The following FAM20C variants were observed in gnomAD, a reference collection of about 807,000 sequenced individuals.
FAM20C encodes extracellular serine/threonine protein kinase FAM20C.
Under a neutral mutation model 51.5 loss-of-function variants are expected in FAM20C, and 40 were observed. That is an observed-to-expected ratio of 0.78 (90% CI 0.60 to 1.01). The LOEUF is 1.01. Ranked by LOEUF, FAM20C falls within the 50% of genes least tolerant of loss-of-function variation. The pLI, the probability that FAM20C is intolerant of heterozygous loss-of-function variation, is 0.00. For synonymous variants in FAM20C, 406 were observed against 380.6 expected, an observed-to-expected ratio of 1.07 and a Z score of -0.78; for missense variants, 861 against 844.7, an observed-to-expected ratio of 1.02 and a Z score of -0.24.
At chr7:223,832 G>A (rs930177403) in intron 3 of FAM20C, among the ~76,000 whole-genome samples, 1 of 151,010 alleles carries the variant, frequency 6.6e-6, no homozygotes, top group Non-Finnish European at 1.5e-5. Context: ...GAACAATCCT[G>A]AAATGAGCTT....
Position 211,148 on chromosome 7 carries a change from C to A in FAM20C, c.863+2172C>A, listed in dbSNP as rs1483733321. Reference sequence around the variant, plus strand: ...CTTCCTCCTCCCCCGTCAGCCTCCCCTGGGCCTCCTCCCAGCCTCCGCCAA... The same window carrying A: ...CTTCCTCCTCCCCCGTCAGCCTCCCATGGGCCTCCTCCCAGCCTCCGCCAA... On this transcript the variant is annotated intron_variant, in intron 3 of 9. Transcript: ENST00000313766. Among the ~76,000 whole-genome samples the A allele has an allele frequency of 1.2e-3, 164 of 136,446 alleles. 4 individuals carry two copies. Among genetic ancestry groups the A allele is most frequent in the Non-Finnish European group, 6.9e-4 (43 of 62,540 alleles). The allele number at this position is 136,446 out of a possible 152,430, so 89.5% of individuals were successfully genotyped here.
chr7:260,091 C>T lies in FAM20C; in HGVS notation c.*111C>T, dbSNP rs971136103. 7.7e-5 allele frequency: 105 copies of T among 1,365,524 alleles called. No homozygotes were observed. Among genetic ancestry groups the T allele is most frequent in the African/African-American group, 3.1e-4 (21 of 68,280 alleles). 84.6% of individuals were successfully genotyped at this position (1,365,524 alleles called of 1,614,324 possible). On this transcript the variant is annotated 3_prime_UTR_variant, in exon 10 of 10. Coordinates refer to ENST00000313766, the MANE Select transcript of FAM20C (RefSeq NM_020223.4). The stretch of plus-strand genomic sequence containing the variant: ...AATTCAGAGGCAGGACGGGATCATC[C>T]GGAGTCGGGAGCTGCTGCCACAGGA...
chr7:208,016 G>A (rs947038013), intron 2 of FAM20C, among the ~76,000 whole-genome samples: 2 of 152,238 alleles, frequency 1.3e-5, no homozygotes, highest in African/African-American at 4.8e-5. Flanking sequence ...GGCGGGAGCT[G>A]CCTCGCATGA....
chr7:232,375 C>T (rs894973545), intron 3 of FAM20C, among the ~76,000 whole-genome samples: 1 of 152,234 alleles, frequency 6.6e-6, no homozygotes, highest in Non-Finnish European at 1.5e-5. Flanking sequence ...CGTGGCTCCA[C>T]AGAGCCGTCT....
chr7:199,699 CT>C (rs1353769386), intron 2 of FAM20C, among the ~76,000 whole-genome samples: 16 of 152,310 alleles, frequency 1.1e-4, no homozygotes, highest in African/African-American at 3.8e-4. Flanking sequence ...TTATTTATAG[CT>C]GGGCTCCTGG....
intron 3 of FAM20C, among the ~76,000 whole-genome samples, chr7:219,395 G>C (rs62430302): frequency 1.3e-3 from 176 of 140,544 alleles, no homozygotes; most frequent in East Asian, 7.9e-3. Context: ...GACAGCAATG[G>C]CCAGCCCAGG....
chr7:224,234 AGCAGAACGGCACTGTCACGGGGTCGCATG>A (rs1787374854), intron 3 of FAM20C, among the ~76,000 whole-genome samples: 1 of 87,448 alleles, frequency 1.1e-5, no homozygotes. Context: ...TCTCTCACGG[AGCAGAACGGCACTGTCACGGGGTCGCATG>A]GCGGCTGTCC....
intron 3 of FAM20C, among the ~76,000 whole-genome samples, chr7:235,999 G>A (rs893300917): frequency 1.3e-5 from 2 of 152,198 alleles, no homozygotes; most frequent in Admixed American, 6.5e-5. Context: ...CCTGGAAAAG[G>A]AGACCATGCC....
chr7:245,535 AG>A (rs1281638993), intron 3 of FAM20C, among the ~76,000 whole-genome samples: 1 of 152,104 alleles, frequency 6.6e-6, no homozygotes, highest in Non-Finnish European at 1.5e-5. Flanking sequence ...CAGTGGAGGC[AG>A]GGGCCGGCCT....
chr7:256,142 C>T, intron 6 of FAM20C, 113 bp downstream of exon 6: 1 of 1,306,398 alleles, frequency 7.7e-7, no homozygotes, highest in Non-Finnish European at 1.0e-6. Flanking sequence ...GGGTGCAGAG[C>T]CTGCTGTGCG....
chr7:219,950 G>T (rs2115094509), intron 3 of FAM20C, among the ~76,000 whole-genome samples: 1 of 152,270 alleles, frequency 6.6e-6, no homozygotes, highest in East Asian at 1.9e-4. Flanking sequence ...CCCAGCAGAG[G>T]CCTGGGCCTG....
chr7:194,053 C>A, intron 1 of FAM20C: 1 of 523,334 alleles, frequency 1.9e-6, no homozygotes, highest in Non-Finnish European at 3.1e-6. Flanking sequence ...CCAGACCCCG[C>A]GCCCTTTAGA....
chr7:201,987 A>G (rs182679455), intron 2 of FAM20C, among the ~76,000 whole-genome samples: 2 of 152,374 alleles, frequency 1.3e-5, no homozygotes, highest in East Asian at 1.9e-4. Context: ...TGATGAATCA[A>G]TAGGAATGAG....
At position 193,816 on chromosome 7, in the gene FAM20C, C is replaced by T. The variant is rs1346760721; in HGVS notation, c.605+12C>T. On this transcript the variant is annotated intron_variant, in intron 1 of 9. Transcript: ENST00000313766. ...GAGAACCCGGACTGGTGAGTGGGGG[C>T]TGGCAGGTGCCCACCCCCAAGGGAG... The T allele has an allele frequency of 1.3e-6, 2 of 1,553,000 alleles. No homozygotes were observed. Among genetic ancestry groups the T allele is most frequent in the South Asian group, 1.2e-5 (1 of 84,194 alleles).
intron 3 of FAM20C, among the ~76,000 whole-genome samples, chr7:219,435 G>GCCAGCCCGGGACAGCAACGC (rs1562378265): frequency 1.4e-5 from 2 of 144,832 alleles, no homozygotes; most frequent in Admixed American, 6.8e-5. Context: ...GACAGCAATG[G>GCCAGCCCGGGACAGCAACGC]CCAGCCCGGG....
At chr7:195,873 G>A in intron 2 of FAM20C, 141 bp downstream of exon 2, 1 of 821,126 alleles carries the variant, frequency 1.2e-6, no homozygotes, top group Non-Finnish European at 1.6e-6. Flanking sequence ...AATCTGCACG[G>A]GCAGCGAGGA....
intron 3 of FAM20C, among the ~76,000 whole-genome samples, chr7:237,455 G>A (rs1261585240): frequency 2.0e-5 from 3 of 152,226 alleles, no homozygotes; most frequent in Admixed American, 6.5e-5. Flanking sequence ...GGTGATGACG[G>A]TGCTGATGGT....
At position 247,215 on chromosome 7, in the gene FAM20C, C is replaced by A. The variant is rs550339202; in HGVS notation, c.956+708C>A. ...CGCCCCAGCCCAGCAGAAAGTGAAC[C>A]CCTTGTGAGGGTCAGCTTGGCCCTG... is the stretch of plus-strand genomic sequence containing the variant. On this transcript the variant is annotated intron_variant, in intron 4 of 9. Coordinates refer to ENST00000313766, the MANE Select transcript of FAM20C (RefSeq NM_020223.4). Among the ~76,000 whole-genome samples, 9 of 152,316 alleles carry A rather than the reference C, an allele frequency of 5.9e-5. No individual in the cohort carries two copies. In the East Asian group the frequency reaches 1.7e-3, roughly 29 times the overall value.
chr7:218,143 G>A (rs1033782560), intron 3 of FAM20C, among the ~76,000 whole-genome samples: 16 of 152,300 alleles, frequency 1.1e-4, no homozygotes, highest in African/African-American at 2.4e-4. Flanking sequence ...GGGGTCACAC[G>A]AGCTGCCAGG....
Sources: gnomAD v4.1 joint callset for allele counts (sites outside exome capture counted in the v4.1 genomes callset) on GRCh38, gnomAD v4.1.1 for gene constraint, MANE v1.5 for transcripts, NCBI Gene and HGNC (gene_info 2026-07-23, HGNC 2026-07-21) for gene names.